The following CCDC158 variants were observed in gnomAD, a reference collection of about 807,000 sequenced individuals.
The protein encoded by CCDC158 is coiled-coil domain-containing protein 158.
Under a neutral mutation model 138.6 loss-of-function variants are expected in CCDC158, and 116 were observed. The observed-to-expected ratio is 0.84, with a 90% CI of 0.72 to 0.98. The LOEUF is 0.98. CCDC158 is among the 50% of genes least tolerant of loss of function. The pLI is 0.00. For missense variants in CCDC158, 1,265 were observed against 1,306.1 expected (o/e 0.97, Z 0.48); for synonymous variants, 436 against 442.4 (o/e 0.99, Z 0.18).
chr4:76,399,636 A>G (rs531288929), intron 3 of CCDC158, among the ~76,000 whole-genome samples: 2 of 152,340 alleles, frequency 1.3e-5, no homozygotes, highest in South Asian at 4.1e-4. Context: ...GGTAGGGAAT[A>G]CAGATTTTTC....
intron 12 of CCDC158, among the ~76,000 whole-genome samples, chr4:76,365,951 GTTAAACTC>G (rs1256379059): frequency 3.3e-5 from 5 of 152,208 alleles, no homozygotes; most frequent in Non-Finnish European, 7.3e-5. Context: ...TCTCCAGAAA[GTTAAACTC>G]TCTGTGTCTC....
chr4:76,349,629 T>C (rs559539970), intron 18 of CCDC158, among the ~76,000 whole-genome samples: 26 of 152,256 alleles, frequency 1.7e-4, no homozygotes, highest in African/African-American at 5.1e-4. Context: ...GACTGCACCA[T>C]TGCACTCCAG....
At chr4:76,320,215 C>T (rs1263963011) in intron 24 of CCDC158, among the ~76,000 whole-genome samples, 2 of 152,086 alleles carry the variant, frequency 1.3e-5, no homozygotes, top group Non-Finnish European at 2.9e-5. Context: ...AAATAAAATA[C>T]TTGGGAATAT....
At chr4:76,357,560 CT>C in intron 13 of CCDC158, 34 bp from the exon 14 acceptor site, 2 of 1,321,828 alleles carry the variant, frequency 1.5e-6, no homozygotes, top group South Asian at 1.8e-5. Flanking sequence ...TAGATGGTTA[CT>C]TTTTTCTATC....
intron 24 of CCDC158, among the ~76,000 whole-genome samples, chr4:76,320,266 C>G (rs1719876729): frequency 6.6e-6 from 1 of 152,112 alleles, no homozygotes; most frequent in African/African-American, 2.4e-5. Context: ...GGAAAAACTA[C>G]AAATGCTGCT....
At chr4:76,399,951 T>C (rs897792540) in intron 3 of CCDC158, among the ~76,000 whole-genome samples, 1 of 152,060 alleles carries the variant, frequency 6.6e-6, no homozygotes. Context: ...GAAGGAGGCA[T>C]GGACTGTGAA....
At chr4:76,378,401 G>A (rs1725914455) in intron 9 of CCDC158, among the ~76,000 whole-genome samples, 2 of 152,166 alleles carry the variant, frequency 1.3e-5, no homozygotes, top group South Asian at 4.1e-4. Context: ...GTGAGAAACT[G>A]ACTACAAGTG....
intron 22 of CCDC158, among the ~76,000 whole-genome samples, chr4:76,326,370 T>A (rs984751817): frequency 1.3e-5 from 2 of 152,136 alleles, no homozygotes; most frequent in African/African-American, 4.8e-5. Flanking sequence ...ACTTTTCATA[T>A]ATAATATGTC....
intron 9 of CCDC158, among the ~76,000 whole-genome samples, chr4:76,375,966 C>T (rs1725678660): frequency 6.6e-6 from 1 of 151,998 alleles, no homozygotes; most frequent in Non-Finnish European, 1.5e-5. Flanking sequence ...GAAATCTGAC[C>T]TTGGGAGAAA....
At chr4:76,402,340 CA>C (rs1441497103) in intron 3 of CCDC158, among the ~76,000 whole-genome samples, 1 of 152,132 alleles carries the variant, frequency 6.6e-6, no homozygotes, top group Non-Finnish European at 1.5e-5. Context: ...CTGGAGGCAG[CA>C]GAAGAGGGGA....
At chr4:76,404,440 G>A in intron 2 of CCDC158, among the ~76,000 whole-genome samples, 1 of 152,084 alleles carries the variant, frequency 6.6e-6, no homozygotes. Flanking sequence ...AACCCAGTAG[G>A]CTCAAACAAG....
At chr4:76,341,374 A>G (rs1196891669) in intron 18 of CCDC158, among the ~76,000 whole-genome samples, 1 of 152,228 alleles carries the variant, frequency 6.6e-6, no homozygotes, top group East Asian at 1.9e-4. Context: ...TGTCTGCCCC[A>G]AACTCATCTC....
At chr4:76,320,940 A>G (rs1719935357) in intron 24 of CCDC158, among the ~76,000 whole-genome samples, 1 of 152,256 alleles carries the variant, frequency 6.6e-6, no homozygotes, top group South Asian at 2.1e-4. Context: ...AAGCTTCTGC[A>G]TAGCAAAAGA....
intron 2 of CCDC158, among the ~76,000 whole-genome samples, chr4:76,404,682 A>G (rs879557919): frequency 6.6e-6 from 1 of 152,126 alleles, no homozygotes; most frequent in East Asian, 1.9e-4. Context: ...AAAGGCACTG[A>G]AGAAAATCAG....
At chr4:76,393,004 T>C (rs1727448279) in intron 4 of CCDC158, among the ~76,000 whole-genome samples, 1 of 151,978 alleles carries the variant, frequency 6.6e-6, no homozygotes, top group Admixed American at 6.6e-5. Flanking sequence ...ATCAGAAAGA[T>C]ATCCCATGTT....
chr4:76,368,765 T>C (rs11734972), intron 11 of CCDC158, among the ~76,000 whole-genome samples: 96,120 of 152,032 alleles, frequency 0.63, 30,812 homozygotes, highest in East Asian at 0.8. Flanking sequence ...CCCTGTTGCT[T>C]CTCAGGCTGC....
intron 24 of CCDC158, among the ~76,000 whole-genome samples, chr4:76,319,915 C>T (rs955928834): frequency 6.6e-6 from 1 of 152,062 alleles, no homozygotes; most frequent in East Asian, 1.9e-4. Flanking sequence ...CACTGCTATT[C>T]AACATTGTAC....
At chr4:76,378,521 G>A (rs1230973937) in intron 9 of CCDC158, among the ~76,000 whole-genome samples, 4 of 152,128 alleles carry the variant, frequency 2.6e-5, no homozygotes, top group Non-Finnish European at 4.4e-5. Context: ...GAGATGAGAG[G>A]TAGCATTCAT....
intron 2 of CCDC158, among the ~76,000 whole-genome samples, chr4:76,404,248 G>A (rs1470315651): frequency 1.3e-5 from 2 of 152,090 alleles, no homozygotes; most frequent in Admixed American, 1.3e-4. Context: ...GAAAGTGCAT[G>A]GCAGAAGGCA....
Sources: allele counts gnomAD v4.1 joint callset (sites outside exome capture counted in the v4.1 genomes callset), GRCh38; gene constraint gnomAD v4.1.1; transcripts MANE v1.5; gene names NCBI Gene and HGNC (gene_info 2026-07-23, HGNC 2026-07-21).